Variants in HSF1 observed in about 807,000 individuals in gnomAD.
HSF1 encodes heat shock factor protein 1.
Under a neutral mutation model 51.7 loss-of-function variants are expected in HSF1, and 32 were observed. That is an observed-to-expected ratio of 0.62 (90% CI 0.47 to 0.83). The LOEUF is 0.83. Ranked by LOEUF, HSF1 falls within the 40% of genes least tolerant of loss-of-function variation. The probability of loss-of-function intolerance (pLI) is 0.00; values close to 1 mark genes in which losing one functional copy is unlikely to be tolerated. For missense variants in HSF1, 727 were observed against 717.0 expected (o/e 1.01, Z -0.16); for synonymous variants, 396 against 309.7 (o/e 1.28, Z -2.92).
At position 144,311,200 on chromosome 8, in the gene HSF1, T is replaced by C. The variant is rs781974287; in HGVS notation, c.515T>C (p.Val172Ala). 1 of 1,578,304 alleles carries C rather than the reference T, an allele frequency of 6.3e-7. No individual in the cohort carries two copies. ...KHENEALWRE[V>A]ASLRQKHAQQ... ...GAGAATGAGGCTCTGTGGCGGGAGG[T>C]GGCCAGCCTTCGGCAGAAGCATGCC... The change falls in exon 5 of 13, where the codon GTG (valine) becomes GCG (alanine). Residue 172 changes from valine to alanine, a missense_variant. Val to Ala is a moderately conservative substitution (Grantham distance 64). Coordinates refer to ENST00000528838, the MANE Select transcript of HSF1 (RefSeq NM_005526.4).
At chr8:144,304,558 G>A (rs1816092228) in intron 1 of HSF1, among the ~76,000 whole-genome samples, 1 of 152,234 alleles carries the variant, frequency 6.6e-6, no homozygotes, top group Non-Finnish European at 1.5e-5. Context: ...GGGATTACAG[G>A]CATGAGTAAC....
At chr8:144,292,167 G>A (rs1207155132) in intron 1 of HSF1, among the ~76,000 whole-genome samples, 2 of 152,354 alleles carry the variant, frequency 1.3e-5, no homozygotes, top group Non-Finnish European at 2.9e-5. Flanking sequence ...CTAACTGTTG[G>A]GCGGTTGCGG....
At chr8:144,311,000 C>T (rs1275959301) in intron 4 of HSF1, 174 bp from the exon 5 acceptor site, 2 of 633,018 alleles carry the variant, frequency 3.2e-6, no homozygotes, top group Non-Finnish European at 5.5e-6. Flanking sequence ...CCAGCAAGCC[C>T]TGGCCCTGGC....
At chr8:144,311,871 C>T (rs890979463) in intron 8 of HSF1, 35 bp downstream of exon 8, 1 of 1,587,738 alleles carries the variant, frequency 6.3e-7, no homozygotes, top group Non-Finnish European at 8.6e-7. Flanking sequence ...TCCTGTCCCC[C>T]AATGAGGCGA....
At position 144,291,803 on chromosome 8, in the gene HSF1, C is replaced by G. The variant is rs1554840396; in HGVS notation, c.46C>G (p.Pro16Ala). ...GPGAAGPSNVPAFLTKLWTLV... is the reference protein window; with the variant it reads ...GPGAAGPSNVAAFLTKLWTLV... ...CGGCGCGGCGGGGCCCAGCAACGTC[C>G]CGGCCTTCCTGACCAAGCTGTGGAC... is the stretch of plus-strand genomic sequence containing the variant. Residue 16 changes from proline (P) to alanine (A), a missense_variant, in exon 1 of 13, where the codon CCG (proline) becomes GCG (alanine). Physicochemically the swap from Pro to Ala is conservative, Grantham distance 27. This residue lies in a region of HSF1 where 257 missense variants were observed against 318.3 expected (regional missense o/e 0.81). Coordinates refer to ENST00000528838, the MANE Select transcript of HSF1 (RefSeq NM_005526.4). The surrounding 1 kb of genome is among the most constrained non-coding windows in gnomAD (Gnocchi z 4.1). The G allele has an allele frequency of 6.4e-7, 1 of 1,553,126 alleles. No homozygotes were observed. The highest frequency in any genetic ancestry group is 8.7e-7 in the Non-Finnish European group (1 of 1,154,316).
In HSF1 at chr8:144,308,912, A is replaced by G. The variant is rs1554843744; in HGVS notation, c.124A>G (p.Asn42Asp). The G allele has an allele frequency of 1.2e-6, 2 of 1,613,994 alleles. No homozygotes were observed. The highest frequency in any genetic ancestry group is 4.5e-5 in the East Asian group (2 of 44,870). ...CCATGTGTCTCCCTTTCAGAGCGGG[A>G]ACAGCTTCCACGTGTTCGACCAGGG... ...DALICWSPSG[N>D]SFHVFDQGQF... The change falls in exon 2 of 13, where the codon AAC becomes GAC. Residue 42 changes from asparagine (N) to aspartate (D), a missense_variant. Asn to Asp is a conservative substitution (Grantham distance 23). Around this residue, in one of 2 missense-constraint regions of HSF1, gnomAD observed 257 missense variants for 318.3 expected, o/e 0.81. Coordinates refer to ENST00000528838, the MANE Select transcript of HSF1 (RefSeq NM_005526.4).
At chr8:144,308,105 G>A (rs554476057) in intron 1 of HSF1, among the ~76,000 whole-genome samples, 1 of 152,364 alleles carries the variant, frequency 6.6e-6, no homozygotes, top group South Asian at 2.1e-4. Context: ...CTGGCAGGGA[G>A]AAACCTGCCC....
intron 1 of HSF1, among the ~76,000 whole-genome samples, chr8:144,306,609 C>T (rs373460411): frequency 6.6e-6 from 1 of 152,152 alleles, no homozygotes; most frequent in Non-Finnish European, 1.5e-5. Context: ...GCAACCCACC[C>T]GCCTCGGCTT....
chr8:144,312,916 G>C (rs184920751), intron 9 of HSF1: 7 of 595,748 alleles, frequency 1.2e-5, no homozygotes, highest in Non-Finnish European at 2.1e-5. Flanking sequence ...AGGGATGACA[G>C]GGACAGGCCT....
At chr8:144,310,137 C>G in intron 4 of HSF1, 1 of 511,442 alleles carries the variant, frequency 2.0e-6, no homozygotes, top group Non-Finnish European at 3.5e-6. Context: ...CTGCACATCC[C>G]CAGCGCCCTC....
rs143289066 is a variant in HSF1 at position 144,311,534 on chromosome 8, C to T, written c.656C>T (p.Ala219Val). 422 of 1,613,622 alleles carry T rather than the reference C, an allele frequency of 2.6e-4. No homozygotes were observed. Among genetic ancestry groups the T allele is most frequent in the Non-Finnish European group, 3.3e-4 (388 of 1,180,004 alleles). Residue 219 changes from alanine (A) to valine (V), a missense_variant, in exon 7 of 13, where the codon GCA (alanine) becomes GTA (valine). Physicochemically the swap from Ala to Val is moderately conservative, Grantham distance 64 (BLOSUM62 0). Coordinates refer to ENST00000528838, the MANE Select transcript of HSF1 (RefSeq NM_005526.4). ...IPLMLNDSGS[A>V]HSMPKYSRQF... is the part of the protein sequence containing the mutation. ...CTGATGCTGAACGACAGTGGCTCAG[C>T]ACATTCCATGCCCAAGTATAGCCGG...
At position 144,311,583 on chromosome 8, in the gene HSF1, C is replaced by T. The variant is rs782214212; in HGVS notation, c.705C>T (p.His235=). The T allele has an allele frequency of 7.4e-6, 12 of 1,613,454 alleles. No individual in the cohort carries two copies. The highest frequency in any genetic ancestry group is 2.7e-5 in the African/African-American group (2 of 74,932). The change falls in exon 7 of 13, where the codon CAC becomes CAT. Residue 235 remains histidine (H), a synonymous_variant. Coordinates refer to ENST00000528838, the MANE Select transcript of HSF1 (RefSeq NM_005526.4). ...YSRQFSLEHV[H]GSGPYSAPSP... ...GGCAGTTCTCCCTGGAGCACGTCCA[C>T]GGCTCGGGCCCCTACTCGGTGAGTG...
At position 144,308,811 on chromosome 8, in the gene HSF1, G is replaced by T. The variant is rs1816402323; in HGVS notation, c.118-95G>T. The stretch of plus-strand genomic sequence containing the variant: ...AGCCCCATCAGGTGGAACGTGCACT[G>T]CCTGCGTTTCAGAAGGGGCGGCCTG... On this transcript the variant is annotated intron_variant, in intron 1 of 12. Coordinates refer to ENST00000528838, the MANE Select transcript of HSF1 (RefSeq NM_005526.4). The T allele has an allele frequency of 8.0e-6, 8 of 998,646 alleles. No individual in the cohort carries two copies. In the East Asian group the frequency reaches 1.9e-4, roughly 24 times the overall value. 61.9% of individuals were successfully genotyped at this position (998,646 alleles called of 1,614,324 possible).
chr8:144,311,452 C>T (rs1816652589), intron 6 of HSF1, 53 bp from the exon 7 acceptor site: 1 of 1,612,062 alleles, frequency 6.2e-7, no homozygotes, highest in Non-Finnish European at 8.5e-7. Flanking sequence ...GTCAGCTGTG[C>T]CCCGGGTACC....
At chr8:144,312,370 A>T in intron 9 of HSF1, 126 bp downstream of exon 9, 1 of 762,382 alleles carries the variant, frequency 1.3e-6, no homozygotes, top group Non-Finnish European at 2.1e-6. Context: ...CCAACCTCGG[A>T]GCTCGGGGCT....
Position 144,312,166 on chromosome 8 carries a change from C to A in HSF1, c.1064C>A (p.Thr355Lys). 2 of 1,608,922 alleles carry A rather than the reference C, an allele frequency of 1.2e-6. No individual in the cohort carries two copies. Among genetic ancestry groups the A allele is most frequent in the Non-Finnish European group, 1.7e-6 (2 of 1,177,660 alleles). Residue 355 changes from threonine to lysine, a missense_variant, in exon 9 of 13, where the codon ACG becomes AAG. This residue lies in a region of HSF1 where 470 missense variants were observed against 398.8 expected (regional missense o/e 1.18). Coordinates refer to ENST00000528838, the MANE Select transcript of HSF1 (RefSeq NM_005526.4). ...GCCCTCACGGACGCCAGGGGCCACACGGACACCGAGGGCCGGCCTCCCTCC... is the reference window on the plus strand; with the variant it reads ...GCCCTCACGGACGCCAGGGGCCACAAGGACACCGAGGGCCGGCCTCCCTCC... ...VTALTDARGH[T>K]DTEGRPPSPP...
At chr8:144,310,024 C>A in intron 4 of HSF1, 128 bp downstream of exon 4, 1 of 1,151,598 alleles carries the variant, frequency 8.7e-7, no homozygotes, top group Non-Finnish European at 1.2e-6. Flanking sequence ...CCACGCACAT[C>A]TACCCTGGGC....
intron 9 of HSF1, chr8:144,312,778 T>G: frequency 7.2e-7 from 1 of 1,396,518 alleles, no homozygotes; most frequent in Non-Finnish European, 9.8e-7. Context: ...CACACAGCCG[T>G]GGACCAGACC....
intron 1 of HSF1, among the ~76,000 whole-genome samples, chr8:144,299,075 A>G (rs1439027831): frequency 3.3e-5 from 5 of 152,360 alleles, no homozygotes; most frequent in Non-Finnish European, 7.3e-5. Flanking sequence ...GGCCACTCCA[A>G]TGCCGTGGAA....
Sources: gnomAD v4.1 joint callset for allele counts (sites outside exome capture counted in the v4.1 genomes callset) on GRCh38, gnomAD v4.1.1 for gene constraint, gnomAD v4.1.1 regional missense constraint, Gnocchi (gnomAD v3.1) non-coding constraint, MANE v1.5 for transcripts, NCBI Gene and HGNC (gene_info 2026-07-23, HGNC 2026-07-21) for gene names.